The following MSRB2 variants were observed in gnomAD, a reference collection of about 807,000 sequenced individuals.
MSRB2 encodes the protein methionine sulfoxide reductase B2.
Under a neutral mutation model 19.0 loss-of-function variants are expected in MSRB2, and 17 were observed. The ratio of observed to expected loss-of-function variants is 0.89; its 90% CI spans 0.61 to 1.34. The LOEUF is 1.34. MSRB2 is among the 40% of genes most tolerant of loss of function. The pLI is 0.00. For missense variants in MSRB2, 208 were observed against 237.6 expected (o/e 0.88, Z 0.82); for synonymous variants, 107 against 99.7 (o/e 1.07, Z -0.44).
chr10:23,099,458 T>G (rs866848560), intron 1 of MSRB2, among the ~76,000 whole-genome samples: 10 of 152,338 alleles, frequency 6.6e-5, no homozygotes, highest in Admixed American at 2.0e-4. Context: ...TGATAAGGAT[T>G]AAAAGAACCA....
intron 1 of MSRB2, among the ~76,000 whole-genome samples, chr10:23,096,352 C>CTGTGTGTGTGTGTGTGTGTG (rs767702970): frequency 1.8e-3 from 260 of 142,814 alleles, no homozygotes; most frequent in African/African-American, 6.2e-3. Flanking sequence ...CTCTCTCTCT[C>CTGTGTGTGTGTGTGTGTGTG]TGTGTGTGTG....
At chr10:23,117,476 C>T (rs188808138) in intron 3 of MSRB2, among the ~76,000 whole-genome samples, 9 of 152,294 alleles carry the variant, frequency 5.9e-5, no homozygotes, top group Admixed American at 1.3e-4. Flanking sequence ...TGCAACTCTT[C>T]TCATGAAATG....
intron 1 of MSRB2, among the ~76,000 whole-genome samples, chr10:23,100,765 T>C (rs1246065897): frequency 6.6e-6 from 1 of 152,290 alleles, no homozygotes; most frequent in African/African-American, 2.4e-5. Flanking sequence ...AGGATTACAA[T>C]GTCACATGAG....
At chr10:23,111,879 A>ATTAATTTAAACTTAAATTTAATT (rs1255625415) in intron 3 of MSRB2, among the ~76,000 whole-genome samples, 1 of 144,384 alleles carries the variant, frequency 6.9e-6, no homozygotes, top group African/African-American at 2.6e-5. Context: ...TTTAATTTTA[A>ATTAATTTAAACTTAAATTTAATT]TTAATTTAAA....
chr10:23,101,498 G>C (rs1226040322), intron 1 of MSRB2, among the ~76,000 whole-genome samples: 1 of 152,174 alleles, frequency 6.6e-6, no homozygotes, highest in Non-Finnish European at 1.5e-5. Flanking sequence ...TTCATGTAAT[G>C]ACTTCTTTGC....
rs765602616 is a variant in MSRB2, at chr10:23,120,776, C to T, written c.463C>T (p.His155Tyr). 1.7e-5 allele frequency: 27 copies of T among 1,613,876 alleles called. No individual in the cohort carries two copies. The highest frequency in any genetic ancestry group is 2.1e-5 in the Non-Finnish European group (25 of 1,179,942). Residue 155 changes from histidine (H) to tyrosine (Y), a missense_variant, in exon 5 of 5, where the codon CAC (histidine) becomes TAC (tyrosine). By Grantham distance (83) the His-to-Tyr change is moderately conservative. Coordinates refer to ENST00000376510, the MANE Select transcript of MSRB2 (RefSeq NM_012228.4). Reference protein sequence around the residue: ...VCKQCEAHLGHVFPDGPGPNG... With the variant: ...VCKQCEAHLGYVFPDGPGPNG... ...TTTGCAGTGTGAAGCTCATCTAGGTCACGTGTTTCCTGATGGACCTGGGCC... is the reference window on the plus strand; with the variant it reads ...TTTGCAGTGTGAAGCTCATCTAGGTTACGTGTTTCCTGATGGACCTGGGCC...
intron 1 of MSRB2, among the ~76,000 whole-genome samples, chr10:23,096,992 C>T (rs1442429157): frequency 1.3e-5 from 2 of 152,182 alleles, no homozygotes; most frequent in Non-Finnish European, 2.9e-5. Flanking sequence ...ATTTGGCCAG[C>T]CACCAGTAGG....
chr10:23,118,503 T>C (rs377228898), intron 3 of MSRB2, among the ~76,000 whole-genome samples: 1 of 151,968 alleles, frequency 6.6e-6, no homozygotes, highest in East Asian at 1.9e-4. Context: ...CTTTGGTGAG[T>C]GGATTTGCCT....
Position 23,096,352 on chromosome 10 carries a change from C to CTCTCTCTCTGTGTGTGTGTGTG in MSRB2, c.118+627_118+628insCTCTCTCTGTGTGTGTGTGTGT, listed in dbSNP as rs144653384. On this transcript the variant is annotated intron_variant, in intron 1 of 4. Transcript: ENST00000376510. ...TGTGTGTGTGTGTCTCTCTCTCTCT[C>CTCTCTCTCTGTGTGTGTGTGTG]TGTGTGTGTGTGTGTGTGTGTTTCT... is the stretch of plus-strand genomic sequence containing the variant. Among the ~76,000 whole-genome samples the CTCTCTCTCTGTGTGTGTGTGTG allele has an allele frequency of 2.9e-4, 41 of 142,832 alleles. 2 individuals are homozygous for CTCTCTCTCTGTGTGTGTGTGTG. Among genetic ancestry groups the CTCTCTCTCTGTGTGTGTGTGTG allele is most frequent in the Admixed American group, 2.7e-3 (39 of 14,638 alleles). 93.7% of individuals were successfully genotyped at this position (142,832 alleles called of 152,430 possible). A position where few individuals can be genotyped will look rare whatever the true frequency, so the allele number is the denominator to read the frequency against.
chr10:23,101,508 C>T (rs1839926362), intron 1 of MSRB2, among the ~76,000 whole-genome samples: 1 of 152,222 alleles, frequency 6.6e-6, no homozygotes, highest in South Asian at 2.1e-4. Flanking sequence ...GACTTCTTTG[C>T]CTCTGGGTAG....
At position 23,119,384 on chromosome 10, in the gene MSRB2, A is replaced by G. The variant is rs760719737; in HGVS notation, c.377A>G (p.His126Arg). The G allele has an allele frequency of 3.7e-6, 6 of 1,614,130 alleles. No homozygotes were observed. The South Asian group carries it at 6.6e-5, about 18-fold the overall frequency. ...AHGTSGSDES[H>R]TGILRRLDTS... is the part of the protein sequence containing the mutation. ...GGTACGTCTGGCTCTGATGAAAGCCACACAGGGATCCTGAGACGTCTGGAT... is the reference window on the plus strand; with the variant it reads ...GGTACGTCTGGCTCTGATGAAAGCCGCACAGGGATCCTGAGACGTCTGGAT... Residue 126 changes from histidine to arginine, a missense_variant, in exon 4 of 5, where the codon CAC becomes CGC. Transcript: ENST00000376510.
chr10:23,119,514 T>C (rs1190109172), intron 4 of MSRB2, 63 bp downstream of exon 4: 3 of 1,567,080 alleles, frequency 1.9e-6, no homozygotes, highest in Admixed American at 3.7e-5. Flanking sequence ...AAGAGCTCTC[T>C]TGTTCTTGGC....
intron 1 of MSRB2, among the ~76,000 whole-genome samples, chr10:23,098,263 G>A (rs2131620505): frequency 6.6e-6 from 1 of 152,292 alleles, no homozygotes; most frequent in Admixed American, 6.5e-5. Flanking sequence ...ACAATTGGCA[G>A]TATAGCAACT....
At chr10:23,114,008 T>C (rs1284366270) in intron 3 of MSRB2, among the ~76,000 whole-genome samples, 2 of 152,174 alleles carry the variant, frequency 1.3e-5, no homozygotes, top group African/African-American at 4.8e-5. Flanking sequence ...TGATTAATAA[T>C]ATCCATCCTG....
chr10:23,103,194 G>A (rs1020965601), intron 1 of MSRB2, among the ~76,000 whole-genome samples: 7 of 152,138 alleles, frequency 4.6e-5, no homozygotes, highest in South Asian at 2.1e-4. Context: ...TTTTCTTGCC[G>A]AAGGATAATT....
chr10:23,116,471 T>C (rs1840111321), intron 3 of MSRB2, among the ~76,000 whole-genome samples: 1 of 152,206 alleles, frequency 6.6e-6, no homozygotes, highest in East Asian at 1.9e-4. Context: ...CAAACATGCA[T>C]GTAACATATG....
At chr10:23,118,743 TC>T (rs1344035921) in intron 3 of MSRB2, among the ~76,000 whole-genome samples, 1 of 152,192 alleles carries the variant, frequency 6.6e-6, no homozygotes, top group East Asian at 1.9e-4. Context: ...TAGATATTAT[TC>T]CCATTTGCTA....
chr10:23,099,531 A>C (rs1041562420), intron 1 of MSRB2, among the ~76,000 whole-genome samples: 1 of 152,238 alleles, frequency 6.6e-6, no homozygotes, highest in African/African-American at 2.4e-5. Flanking sequence ...TAGCAATTTA[A>C]ATACTAGTTA....
chr10:23,119,328 C>A lies in MSRB2; in HGVS notation c.321C>A (p.Gly107=). 1 of 1,614,106 alleles carries A rather than the reference C, an allele frequency of 6.2e-7. No individual in the cohort carries two copies. The highest frequency in any genetic ancestry group is 1.1e-5 in the South Asian group (1 of 91,070). Residue 107 remains glycine (G), a synonymous_variant, in exon 4 of 5, where the codon GGC becomes GGA. Transcript: ENST00000376510. Reference sequence around the variant, plus strand: ...GTTCTGAGAAAAAGTACTGCTCTGGCACTGGGTGGCCTTCGTTTTCCGAGG... The same window carrying A: ...GTTCTGAGAAAAAGTACTGCTCTGGAACTGGGTGGCCTTCGTTTTCCGAGG... ...LFSSEKKYCS[G]TGWPSFSEAH...
Sources: gnomAD v4.1 joint callset for allele counts (sites outside exome capture counted in the v4.1 genomes callset) on GRCh38, gnomAD v4.1.1 for gene constraint, MANE v1.5 for transcripts, NCBI Gene and HGNC (gene_info 2026-07-23, HGNC 2026-07-21) for gene names.